NLGN4X: variants seen among roughly 807,000 people sequenced by gnomAD.
NLGN4X encodes neuroligin-4, X-linked.
NLGN4X carries 3 observed loss-of-function variants against 40.3 expected under a neutral mutation model. The observed-to-expected ratio is 0.07, with a 90% CI of 0.03 to 0.19. The LOEUF (loss-of-function observed/expected upper bound fraction) is 0.19, where lower values mean the gene tolerates loss of function less well. NLGN4X is among the 10% of genes least tolerant of loss of function. The pLI is 1.00. For missense variants in NLGN4X, 382 were observed against 708.3 expected (o/e 0.54, Z 5.23); for synonymous variants, 270 against 306.8 (o/e 0.88, Z 1.25).
At chrX:6,094,450 C>T (rs1298080616) in intron 2 of NLGN4X, among the ~76,000 whole-genome samples, 2 of 110,392 alleles carry the variant, frequency 1.8e-5, no homozygotes, top group African/African-American at 6.6e-5. Flanking sequence ...CTATTCTGTC[C>T]CACTGTTAAT....
intron 4 of NLGN4X, among the ~76,000 whole-genome samples, chrX:5,907,716 C>G (rs2146753685): frequency 9.1e-6 from 1 of 110,157 alleles, no homozygotes; most frequent in Non-Finnish European, 1.9e-5. Flanking sequence ...CTCGTGCTGA[C>G]TGGCCCAGCA....
Position 6,097,555 on chromosome X carries a change from A to G in NLGN4X, c.472+53440T>C, listed in dbSNP as rs942220097. 1.1e-4 allele frequency among the ~76,000 whole-genome samples: 12 copies of G among 111,673 alleles called. No homozygotes were observed. The Admixed American group carries it at 1.1e-3, about 11-fold the overall frequency. ...CCCAGACACAAATGTGCTGAACCCGAAATCTGGGACACCTGGTTTAGTAAG... is the reference window on the plus strand; with the variant it reads ...CCCAGACACAAATGTGCTGAACCCGGAATCTGGGACACCTGGTTTAGTAAG... On this transcript the variant is annotated intron_variant, in intron 2 of 5. Coordinates refer to ENST00000381095, the MANE Select transcript of NLGN4X (RefSeq NM_181332.3).
chrX:6,188,336 G>A (rs1024410580), intron 1 of NLGN4X, among the ~76,000 whole-genome samples: 1 of 111,808 alleles, frequency 8.9e-6, no homozygotes, highest in African/African-American at 3.3e-5. Context: ...ATACTCCCAA[G>A]CTAGATAGAG....
chrX:6,068,316 G>A (rs2037975792), intron 2 of NLGN4X, among the ~76,000 whole-genome samples: 1 of 111,620 alleles, frequency 9.0e-6, no homozygotes, highest in Non-Finnish European at 1.9e-5. Context: ...CTCCTGACCT[G>A]AGATAAGCAG....
chrX:5,922,012 TCTC>T (rs1321061933), intron 3 of NLGN4X, among the ~76,000 whole-genome samples: 10 of 111,485 alleles, frequency 9.0e-5, no homozygotes, highest in Non-Finnish European at 1.7e-4. Flanking sequence ...ACTGCCATCT[TCTC>T]CTTTTATCTC....
In NLGN4X at chrX:6,090,102, C is replaced by T. The variant is rs2038600862; in HGVS notation, c.473-60670G>A. The stretch of plus-strand genomic sequence containing the variant: ...CTCCAAGCCCTGAGCTAAGGTAACA[C>T]CTCCTGCAGAGATGAAGCTGGGAAG... On this transcript the variant is annotated intron_variant, in intron 2 of 5. Coordinates refer to ENST00000381095, the MANE Select transcript of NLGN4X (RefSeq NM_181332.3). Among the ~76,000 whole-genome samples, 5 of 111,324 alleles carry T rather than the reference C, an allele frequency of 4.5e-5. No individual in the cohort carries two copies. In the South Asian group the frequency reaches 1.9e-3, roughly 42 times the overall value.
chrX:6,011,497 C>T (rs11796483), intron 3 of NLGN4X, among the ~76,000 whole-genome samples: 19,450 of 109,269 alleles, frequency 0.18, 1,325 homozygotes, highest in African/African-American at 0.19. Context: ...TTATTTTCAC[C>T]GGCCAAACAC....
intron 3 of NLGN4X, among the ~76,000 whole-genome samples, chrX:5,985,396 G>C (rs1394481225): frequency 9.0e-6 from 1 of 110,956 alleles, no homozygotes; most frequent in African/African-American, 3.3e-5. Flanking sequence ...GAGTACCTAG[G>C]ACTACAGGTG....
intron 2 of NLGN4X, among the ~76,000 whole-genome samples, chrX:6,078,813 A>C (rs1320622205): frequency 9.0e-6 from 1 of 111,438 alleles, no homozygotes; most frequent in African/African-American, 3.3e-5. Flanking sequence ...CTCCACCCAA[A>C]TCTCATCTTG....
intron 4 of NLGN4X, among the ~76,000 whole-genome samples, chrX:5,905,787 C>T (rs1444732446): frequency 8.9e-6 from 1 of 111,998 alleles, no homozygotes; most frequent in East Asian, 2.8e-4. Context: ...TCAAATGATC[C>T]TTCCACCTCA....
intron 3 of NLGN4X, among the ~76,000 whole-genome samples, chrX:5,991,016 A>G (rs2035667850): frequency 8.9e-6 from 1 of 111,874 alleles, no homozygotes; most frequent in Admixed American, 9.5e-5. Flanking sequence ...AATTGCAAGA[A>G]ATGCAACCTT....
At chrX:6,021,806 G>T (rs774422909) in intron 3 of NLGN4X, among the ~76,000 whole-genome samples, 3 of 109,634 alleles carry the variant, frequency 2.7e-5, no homozygotes, top group Non-Finnish European at 5.7e-5. Flanking sequence ...TGGATTAGAG[G>T]TTGCCCTATC....
chrX:6,157,743 G>A (rs952534231), intron 1 of NLGN4X, among the ~76,000 whole-genome samples: 1 of 111,085 alleles, frequency 9.0e-6, no homozygotes, highest in African/African-American at 3.3e-5. Flanking sequence ...CCATTCTGGG[G>A]CATCCACCCT....
chrX:5,987,207 G>T (rs898357386), intron 3 of NLGN4X, among the ~76,000 whole-genome samples: 2 of 111,419 alleles, frequency 1.8e-5, no homozygotes, highest in Non-Finnish European at 3.8e-5. Flanking sequence ...TATTATGCAT[G>T]AAAAAAACAC....
At chrX:5,921,342 G>C (rs1466923901) in intron 3 of NLGN4X, among the ~76,000 whole-genome samples, 1 of 100,479 alleles carries the variant, frequency 1.0e-5, no homozygotes, top group Non-Finnish European at 2.0e-5. Flanking sequence ...ATCTCTTAAT[G>C]ACCCTAAGCT....
At chrX:6,165,012 C>A (rs773263503) in intron 1 of NLGN4X, among the ~76,000 whole-genome samples, 67 of 111,303 alleles carry the variant, frequency 6.0e-4, no homozygotes, top group African/African-American at 2.1e-3. Context: ...GTACAAGCTC[C>A]CAGGAAAGGC....
intron 2 of NLGN4X, among the ~76,000 whole-genome samples, chrX:6,064,250 T>C (rs1045422033): frequency 4.5e-5 from 5 of 111,036 alleles, no homozygotes; most frequent in African/African-American, 3.3e-5. Context: ...GGTTTTCTCA[T>C]TATCGACTCT....
In NLGN4X at chrX:6,225,681, C is replaced by CTTTTTTTTTTTTTTTTTTTTTT. The variant is rs1569309354; in HGVS notation, c.-306+2859_-306+2860insAAAAAAAAAAAAAAAAAAAAAA. Reference sequence around the variant, plus strand: ...CTTTTTCTTTTCCTTTTTTTTCTTTCTTTTTTTCTTTTTTTTTTTTTTTTT... The same window carrying CTTTTTTTTTTTTTTTTTTTTTT: ...CTTTTTCTTTTCCTTTTTTTTCTTTCTTTTTTTTTTTTTTTTTTTTTTTTTTTTTCTTTTTTTTTTTTTTTTT... On this transcript the variant is annotated intron_variant, in intron 1 of 5. Transcript: ENST00000381095. 3.4e-3 allele frequency among the ~76,000 whole-genome samples: 116 copies of CTTTTTTTTTTTTTTTTTTTTTT among 33,746 alleles called. 14 individuals are homozygous for CTTTTTTTTTTTTTTTTTTTTTT. Among genetic ancestry groups the CTTTTTTTTTTTTTTTTTTTTTT allele is most frequent in the South Asian group, 5.4e-3 (2 of 371 alleles). The allele number at this position is 33,746 out of a possible 115,157, so 29.3% of individuals were successfully genotyped here.
At chrX:6,199,088 G>A (rs1396532008) in intron 1 of NLGN4X, among the ~76,000 whole-genome samples, 1 of 111,533 alleles carries the variant, frequency 9.0e-6, no homozygotes, top group Non-Finnish European at 1.9e-5. Context: ...GGTATGCTCA[G>A]CTGAGAAAAG....
Sources: allele counts gnomAD v4.1 joint callset (sites outside exome capture counted in the v4.1 genomes callset), GRCh38; gene constraint gnomAD v4.1.1; transcripts MANE v1.5; gene names NCBI Gene and HGNC (gene_info 2026-07-23, HGNC 2026-07-21).